Variants in JMY observed in about 807,000 individuals in gnomAD.
The protein encoded by JMY is junction-mediating and -regulatory protein.
In JMY, 46 loss-of-function variants were observed where a neutral mutation model predicts 103.3. The ratio of observed to expected loss-of-function variants is 0.45; its 90% CI spans 0.35 to 0.57. The LOEUF (loss-of-function observed/expected upper bound fraction) is 0.57, where lower values mean the gene tolerates loss of function less well. Ranked by LOEUF, JMY falls within the 20% of genes least tolerant of loss-of-function variation. The probability of loss-of-function intolerance (pLI) is 0.00; values close to 1 mark genes in which losing one functional copy is unlikely to be tolerated. For missense variants in JMY, 1,238 were observed against 1,255.2 expected (o/e 0.99, Z 0.21); for synonymous variants, 526 against 489.3 (o/e 1.07, Z -0.99).
intron 4 of JMY, 75 bp from the exon 5 acceptor site, chr5:79,300,078 T>C: frequency 1.7e-6 from 2 of 1,192,864 alleles, no homozygotes; most frequent in Non-Finnish European, 2.5e-6. Context: ...ATCTGATTAG[T>C]ATTAATTTTT....
At position 79,314,628 on chromosome 5, in the gene JMY, A is replaced by ACCCCCCCCCCCCCCCCCCCCC; in HGVS notation, c.2438_2439insCCCCCCCCCCCCCCCCCCCCC (p.Pro819_Pro825dup). On this transcript the variant is annotated inframe_insertion, in exon 9 of 11. Transcript: ENST00000396137. ...CATCCCCTCTTCCTCCAACACCACC[A>ACCCCCCCCCCCCCCCCCCCCC]CCTCCCCCACCTCCTCCCCCTCCCC... The ACCCCCCCCCCCCCCCCCCCCC allele has an allele frequency of 8.9e-7, 1 of 1,128,852 alleles. No homozygotes were observed. The allele number at this position is 1,128,852 out of a possible 1,614,324, so 69.9% of individuals were successfully genotyped here.
At chr5:79,260,352 CTGCTCT>C (rs567374052) in intron 1 of JMY, among the ~76,000 whole-genome samples, 87 of 152,300 alleles carry the variant, frequency 5.7e-4, no homozygotes, top group African/African-American at 2.1e-3. Context: ...GCTCCCACAG[CTGCTCT>C]TGCCACCACC....
chr5:79,239,474 A>G (rs1293264067), intron 1 of JMY, among the ~76,000 whole-genome samples: 1 of 152,100 alleles, frequency 6.6e-6, no homozygotes, highest in Non-Finnish European at 1.5e-5. Context: ...CCCTTAATGA[A>G]TGGGCCTGTC....
At chr5:79,313,843 G>A (rs951046291) in intron 8 of JMY, among the ~76,000 whole-genome samples, 10 of 152,044 alleles carry the variant, frequency 6.6e-5, no homozygotes, top group African/African-American at 1.9e-4. Context: ...TAACTTTAAG[G>A]GTGAAATAAC....
At chr5:79,316,846 C>T (rs1031233854) in intron 10 of JMY, among the ~76,000 whole-genome samples, 2 of 139,240 alleles carry the variant, frequency 1.4e-5, no homozygotes, top group African/African-American at 5.4e-5. Context: ...GCGGAGGTTG[C>T]AGTGAGCTGA....
chr5:79,245,394 C>A (rs1218362396), intron 1 of JMY, among the ~76,000 whole-genome samples: 2 of 151,728 alleles, frequency 1.3e-5, no homozygotes, highest in Non-Finnish European at 2.9e-5. Flanking sequence ...CAGAAGCATC[C>A]CACTACACTG....
rs1457702672 is a variant in JMY at position 79,236,673 on chromosome 5, C to T, written c.23C>T (p.Thr8Met). The T allele has an allele frequency of 2.7e-6, 4 of 1,472,560 alleles. No homozygotes were observed. The highest frequency in any genetic ancestry group is 4.6e-5 in the Admixed American group (2 of 43,274). The allele number at this position is 1,472,560 out of a possible 1,614,324, so 91.2% of individuals were successfully genotyped here. A position where few individuals can be genotyped will look rare whatever the true frequency, so the allele number is the denominator to read the frequency against. MSFALEETLESDWVAVRP... is the reference protein window; with the variant it reads MSFALEEMLESDWVAVRP... ...ACCATGTCGTTCGCGCTGGAGGAGA[C>T]GCTCGAGTCGGACTGGGTGGCTGTG... is the stretch of plus-strand genomic sequence containing the variant. The change falls in exon 1 of 11, where the codon ACG (threonine) becomes ATG (methionine). Residue 8 changes from threonine to methionine, a missense_variant. Transcript: ENST00000396137.
chr5:79,300,861 A>G lies in JMY; in HGVS notation c.1879A>G (p.Lys627Glu), dbSNP rs909935389. 2 of 1,587,756 alleles carry G rather than the reference A, an allele frequency of 1.3e-6. No homozygotes were observed. The highest frequency in any genetic ancestry group is 2.7e-5 in the African/African-American group (2 of 73,076). ...CAAGAAATCCTACCTCAGAAATAAA[A>G]AGGTATTTAAATATTGCTTTTGTTC... ...SAKKSYLRNK[K>E]EICIAKHNEK... Residue 627 changes from lysine to glutamate, a missense_variant and splice_region_variant, in exon 6 of 11, where the codon AAG (lysine) becomes GAG (glutamate). Physicochemically the swap from Lys to Glu is moderately conservative, Grantham distance 56. Transcript: ENST00000396137.
Position 79,314,636 on chromosome 5 carries a change from C to A in JMY, c.2444C>A (p.Pro815Gln). 6.7e-7 allele frequency: 1 copy of A among 1,502,582 alleles called. No homozygotes were observed. Among genetic ancestry groups the A allele is most frequent in the Non-Finnish European group, 9.2e-7 (1 of 1,090,264 alleles). 93.1% of individuals were successfully genotyped at this position (1,502,582 alleles called of 1,614,324 possible). A position where few individuals can be genotyped will look rare whatever the true frequency, so the allele number is the denominator to read the frequency against. ...CTTCCTCCAACACCACCACCTCCCC[C>A]ACCTCCTCCCCCTCCCCCACCACCA... ...SPLPPTPPPPPPPPPPPPPPP... is the reference protein window; with the variant it reads ...SPLPPTPPPPQPPPPPPPPPP... The change falls in exon 9 of 11, where the codon CCA (proline) becomes CAA (glutamine). Residue 815 changes from proline (P) to glutamine (Q), a missense_variant. By Grantham distance (76) the Pro-to-Gln change is moderately conservative (BLOSUM62 -1). Coordinates refer to ENST00000396137, the MANE Select transcript of JMY (RefSeq NM_152405.5).
rs976896412 is a variant in JMY, at chr5:79,259,201, G to A, written c.1033-18709G>A. On this transcript the variant is annotated intron_variant, in intron 1 of 10. Coordinates refer to ENST00000396137, the MANE Select transcript of JMY (RefSeq NM_152405.5). ...CATCCCGACGAGTGTCCAGCTCTCA[G>A]AAGAGAGGGTAGTTCATCTCTCCAG... 3.3e-5 allele frequency among the ~76,000 whole-genome samples: 5 copies of A among 152,268 alleles called. 1 individual carries two copies. The South Asian group carries it at 1.0e-3, about 32-fold the overall frequency.
At chr5:79,238,026 C>T (rs1419836937) in intron 1 of JMY, among the ~76,000 whole-genome samples, 1 of 152,170 alleles carries the variant, frequency 6.6e-6, no homozygotes, top group Non-Finnish European at 1.5e-5. Context: ...AAAGCTCTTC[C>T]AGCAATAACT....
At chr5:79,281,076 G>C (rs754316798) in intron 2 of JMY, among the ~76,000 whole-genome samples, 2 of 151,148 alleles carry the variant, frequency 1.3e-5, no homozygotes, top group East Asian at 3.9e-4. Context: ...ACAGAGTCTC[G>C]CTCTGTTGCC....
At chr5:79,282,184 G>A (rs2112089717) in intron 2 of JMY, among the ~76,000 whole-genome samples, 1 of 152,218 alleles carries the variant, frequency 6.6e-6, no homozygotes, top group South Asian at 2.1e-4. Flanking sequence ...TCCAACCTGG[G>A]TGACAGAGCG....
intron 5 of JMY, 48 bp downstream of exon 5, chr5:79,300,366 G>T: frequency 6.9e-7 from 1 of 1,442,910 alleles, no homozygotes; most frequent in South Asian, 1.5e-5. Context: ...TTGAATACAT[G>T]AGAAAATACT....
intron 1 of JMY, among the ~76,000 whole-genome samples, chr5:79,268,478 T>TA (rs1745647928): frequency 4.1e-5 from 6 of 145,966 alleles, no homozygotes; most frequent in African/African-American, 1.4e-4. Flanking sequence ...TTTTATTTAT[T>TA]TTTTATTTAT....
chr5:79,306,318 GGTGTTCAGA>G, intron 6 of JMY, 48 bp from the exon 7 acceptor site: 1 of 1,188,056 alleles, frequency 8.4e-7, no homozygotes, highest in Non-Finnish European at 1.3e-6. Flanking sequence ...ACCTTGGTGT[GGTGTTCAGA>G]GTCTTTCAAG....
intron 7 of JMY, among the ~76,000 whole-genome samples, chr5:79,309,922 T>C (rs1018476204): frequency 4.6e-5 from 7 of 152,010 alleles, no homozygotes; most frequent in Non-Finnish European, 1.0e-4. Flanking sequence ...TATTTCTTTT[T>C]ATAAAACATA....
chr5:79,252,317 A>G (rs1228153199), intron 1 of JMY, among the ~76,000 whole-genome samples: 1 of 150,654 alleles, frequency 6.6e-6, no homozygotes, highest in Non-Finnish European at 1.5e-5. Flanking sequence ...TTTTGGTCAG[A>G]GAAAATGCTT....
chr5:79,284,399 T>C, intron 2 of JMY: 2 of 1,380,916 alleles, frequency 1.4e-6, no homozygotes, highest in Non-Finnish European at 2.0e-6. Context: ...TGTCTGCACC[T>C]CTCGGGTCAT....
Sources: gnomAD v4.1 joint callset for allele counts (sites outside exome capture counted in the v4.1 genomes callset) on GRCh38, gnomAD v4.1.1 for gene constraint, MANE v1.5 for transcripts, NCBI Gene and HGNC (gene_info 2026-07-23, HGNC 2026-07-21) for gene names.